Variants in RYR1 observed in about 807,000 individuals in gnomAD.
RYR1 encodes the protein central core disease of muscle.
Under a neutral mutation model 583.5 loss-of-function variants are expected in RYR1, and 342 were observed. The ratio of observed to expected loss-of-function variants is 0.59; its 90% confidence interval spans 0.54 to 0.64. The LOEUF (loss-of-function observed/expected upper bound fraction) is 0.64, where lower values mean the gene tolerates loss of function less well. Among genes scored for constraint, RYR1 ranks in the 30% least tolerant of loss-of-function variants. The pLI is 0.00. For synonymous variants in RYR1, 2,791 were observed against 2,822.5 expected (o/e 0.99, Z 0.35); for missense variants, 6,032 against 6,917.2 (o/e 0.87, Z 4.54).
rs774500412 is a variant in RYR1, at chr19:38,485,835, G to A, written c.5180G>A (p.Arg1727His). The A allele has an allele frequency of 1.9e-6, 3 of 1,613,588 alleles. No individual in the cohort carries two copies. Among genetic ancestry groups the A allele is most frequent in the Non-Finnish European group, 2.5e-6 (3 of 1,179,996 alleles). ...CTCGAAAGTGCCTGCCGCAGCCGCC[G>A]CTCCATGCTCTCTGAATACATCGTG... The part of the protein sequence containing the change: ...IHLESACRSR[R>H]SMLSEYIVPL... Residue 1727 changes from arginine (R) to histidine (H), a missense_variant, in exon 34 of 106, where the codon CGC (arginine) becomes CAC (histidine). Physicochemically the swap from Arg to His is conservative, Grantham distance 29 (BLOSUM62 0). Around this residue, in one of 11 missense-constraint regions of RYR1, gnomAD observed 2,627 missense variants for 2,961.3 expected, o/e 0.89. Coordinates refer to ENST00000359596, the MANE Select transcript of RYR1 (RefSeq NM_000540.3).
chr19:38,543,885 C>T lies in RYR1; in HGVS notation c.12012+10C>T, dbSNP rs1568558457. On this transcript the variant is annotated intron_variant, in intron 87 of 105. Coordinates refer to ENST00000359596, the MANE Select transcript of RYR1 (RefSeq NM_000540.3). The surrounding 1 kb of genome is among the most constrained non-coding windows in gnomAD (Gnocchi z 4.4). ...GATGAAGCTCGCTCAGGTTCGAGCC[C>T]CTCTGGTCTCCATCCACCTGCTTCC... 6.2e-7 allele frequency: 1 copy of T among 1,611,272 alleles called. No individual in the cohort carries two copies. Among genetic ancestry groups the T allele is most frequent in the Non-Finnish European group, 8.5e-7 (1 of 1,179,240 alleles).
chr19:38,499,343 C>T lies in RYR1; in HGVS notation c.7027+100C>T. On this transcript the variant is annotated intron_variant, in intron 43 of 105. Coordinates refer to ENST00000359596, the MANE Select transcript of RYR1 (RefSeq NM_000540.3). The surrounding 1 kb of genome is among the most constrained non-coding windows in gnomAD (Gnocchi z 7.3). The stretch of plus-strand genomic sequence containing the variant: ...CGCACCCTGAGCCACAGATGGGGTC[C>T]AGGCAGGAATCCCTTCCAGCAGGCC... The T allele has an allele frequency of 6.3e-7, 1 of 1,578,486 alleles. No individual in the cohort carries two copies. The highest frequency in any genetic ancestry group is 1.1e-5 in the South Asian group (1 of 89,772).
intron 91 of RYR1, among the ~76,000 whole-genome samples, chr19:38,566,553 CGTT>C (rs981765397): frequency 2.0e-5 from 3 of 150,898 alleles, no homozygotes; most frequent in Non-Finnish European, 4.4e-5. Context: ...CGGAGATACT[CGTT>C]GTGGGAATGA....
At chr19:38,578,391 A>G (rs1482228954) in intron 99 of RYR1, among the ~76,000 whole-genome samples, 187 bp downstream of exon 99, 1 of 151,472 alleles carries the variant, frequency 6.6e-6, no homozygotes, top group Admixed American at 6.6e-5. Context: ...TATTATTACT[A>G]TTTTTTTTTA....
chr19:38,532,612 G>T, intron 77 of RYR1, 59 bp from the exon 78 acceptor site: 1 of 1,613,832 alleles, frequency 6.2e-7, no homozygotes, highest in Non-Finnish European at 8.5e-7. Context: ...CACAAAAAGG[G>T]CTGGGGCGGG....
intron 34 of RYR1, 127 bp from the exon 35 acceptor site, chr19:38,489,050 A>T: frequency 2.4e-6 from 2 of 849,208 alleles, no homozygotes. Flanking sequence ...CTGCTGTGGG[A>T]GGAATCGGAT....
At chr19:38,503,784 A>AAAAAAT (rs1260483995) in intron 49 of RYR1, among the ~76,000 whole-genome samples, 2 of 152,056 alleles carry the variant, frequency 1.3e-5, no homozygotes, top group African/African-American at 4.8e-5. Flanking sequence ...AAAAAAAAAA[A>AAAAAAT]AAAATTTGCA....
intron 20 of RYR1, among the ~76,000 whole-genome samples, chr19:38,462,661 C>A (rs1186885662): frequency 1.3e-5 from 2 of 152,212 alleles, no homozygotes; most frequent in African/African-American, 2.4e-5. Context: ...CTCACTGAGT[C>A]CTTATTAGGT....
chr19:38,496,399 C>G lies in RYR1; in HGVS notation c.6664-10C>G, dbSNP rs1315255373. ...CAGAGGGCAGGCCCTGACCACCCTGCCTGTCCCAGGAGATCCGCTTCCCCA... is the reference window on the plus strand; with the variant it reads ...CAGAGGGCAGGCCCTGACCACCCTGGCTGTCCCAGGAGATCCGCTTCCCCA... On this transcript the variant is annotated splice_polypyrimidine_tract_variant and intron_variant, in intron 40 of 105. Transcript: ENST00000359596. This position sits in a 1 kb window ranked among gnomAD's most constrained non-coding sequence, Gnocchi z 4.8. 6.2e-7 allele frequency: 1 copy of G among 1,613,892 alleles called. No individual in the cohort carries two copies. The highest frequency in any genetic ancestry group is 1.7e-5 in the Admixed American group (1 of 60,030).
intron 47 of RYR1, among the ~76,000 whole-genome samples, 192 bp from the exon 48 acceptor site, chr19:38,502,315 T>C (rs1219123640): frequency 6.6e-6 from 1 of 150,580 alleles, no homozygotes; most frequent in African/African-American, 2.5e-5. Context: ...TCCAAAGTAG[T>C]AAGTGGTGGG....
At chr19:38,435,577 C>A (rs1246353580) in intron 1 of RYR1, among the ~76,000 whole-genome samples, 1 of 152,008 alleles carries the variant, frequency 6.6e-6, no homozygotes, top group Non-Finnish European at 1.5e-5. Context: ...ACTAAAAATA[C>A]AAAAAAATAT....
At chr19:38,583,682 C>A (rs1435328462) in intron 101 of RYR1, among the ~76,000 whole-genome samples, 1 of 152,068 alleles carries the variant, frequency 6.6e-6, no homozygotes, top group African/African-American at 2.4e-5. Context: ...TTTCTAGCCG[C>A]CTGGTCCTCT....
Position 38,516,096 on chromosome 19 carries a change from AGCCCTC to A in RYR1, c.9566_9571del (p.Ala3189_Leu3190del). ...CAGCCCCGTCTTCCAGGCTTCGGCC[AGCCCTC>A]GGGGAGTGCCTGGCCCGTCTGGCAG... On this transcript the variant is annotated inframe_deletion, in exon 65 of 106. Transcript: ENST00000359596. 6.5e-7 allele frequency: 1 copy of A among 1,548,800 alleles called. No homozygotes were observed. Among genetic ancestry groups the A allele is most frequent in the Non-Finnish European group, 8.7e-7 (1 of 1,146,488 alleles).
At chr19:38,532,859 C>G in intron 78 of RYR1, 123 bp downstream of exon 78, 3 of 953,596 alleles carry the variant, frequency 3.1e-6, no homozygotes, top group Non-Finnish European at 4.9e-6. Context: ...CCAAGTCAGT[C>G]CACTGGGGAG....
At chr19:38,478,273 TCA>T (rs1968840835) in intron 30 of RYR1, among the ~76,000 whole-genome samples, 160 bp from the exon 31 acceptor site, 1 of 151,994 alleles carries the variant, frequency 6.6e-6, no homozygotes, top group Non-Finnish European at 1.5e-5. Context: ...TCCGAAGAGC[TCA>T]GTGTCCGGGG....
chr19:38,535,625 A>AAAACTTGAG (rs1971931273), intron 81 of RYR1: 1 of 609,318 alleles, frequency 1.6e-6, no homozygotes, highest in Non-Finnish European at 2.9e-6. Context: ...AGTGGAACCA[A>AAAACTTGAG]AAACTTGAGA....
intron 24 of RYR1, 53 bp downstream of exon 24, chr19:38,466,451 A>C (rs1968112736): frequency 1.4e-6 from 2 of 1,472,752 alleles, no homozygotes; most frequent in Non-Finnish European, 1.8e-6. Context: ...CTCTGACCCC[A>C]GCCCCGATCC....
chr19:38,454,072 T>C (rs1485038136), intron 13 of RYR1, among the ~76,000 whole-genome samples: 2 of 152,206 alleles, frequency 1.3e-5, no homozygotes, highest in Non-Finnish European at 2.9e-5. Context: ...AGTCTCTCTC[T>C]GTCACCCAGG....
intron 67 of RYR1, among the ~76,000 whole-genome samples, chr19:38,520,564 G>A (rs139037483): frequency 1.1e-4 from 16 of 151,642 alleles, no homozygotes; most frequent in Admixed American, 8.5e-4. Context: ...GCGTAGTGAC[G>A]CAGGCTTGAA....
Sources: gnomAD v4.1 joint callset for allele counts (sites outside exome capture counted in the v4.1 genomes callset) on GRCh38, gnomAD v4.1.1 for gene constraint, gnomAD v4.1.1 regional missense constraint, Gnocchi (gnomAD v3.1) non-coding constraint, MANE v1.5 for transcripts, NCBI Gene and HGNC (gene_info 2026-07-23, HGNC 2026-07-21) for gene names.